The following ORC3 variants were observed in gnomAD, a reference collection of about 807,000 sequenced individuals.
ORC3 encodes the protein homolog of latheo, Drosophila.
ORC3 carries 78 observed loss-of-function variants against 100.7 expected under a neutral mutation model. The observed-to-expected ratio is 0.77, with a 90% CI of 0.65 to 0.94. ORC3 has a LOEUF of 0.94. Among genes scored for constraint, ORC3 ranks in the 40% least tolerant of loss-of-function variants. The pLI is 0.00. For synonymous variants in ORC3, 295 were observed against 289.3 expected, an observed-to-expected ratio of 1.02 and a Z score of -0.20; for missense variants, 789 against 823.9, an observed-to-expected ratio of 0.96 and a Z score of 0.52.
rs571714480 is a variant in ORC3 at position 87,655,740 on chromosome 6, G to T, written c.1517-1166G>T. Among the ~76,000 whole-genome samples the T allele has an allele frequency of 3.3e-5, 5 of 151,444 alleles. No homozygotes were observed. The South Asian group carries it at 1.0e-3, about 32-fold the overall frequency. Reference sequence around the variant, plus strand: ...TGGTCTCGAACTCCTTGTCTCAAGTGATCCTCACACCATGGCCTCCCAAAG... The same window carrying T: ...TGGTCTCGAACTCCTTGTCTCAAGTTATCCTCACACCATGGCCTCCCAAAG... On this transcript the variant is annotated intron_variant, in intron 14 of 19. Transcript: ENST00000392844.
intron 9 of ORC3, among the ~76,000 whole-genome samples, chr6:87,617,390 C>G (rs959762351): frequency 3.3e-5 from 5 of 152,056 alleles, no homozygotes; most frequent in Non-Finnish European, 7.4e-5. Flanking sequence ...TTCTTGGAAG[C>G]TACATAAGTG....
At chr6:87,660,747 GA>G (rs934285815) in intron 16 of ORC3, among the ~76,000 whole-genome samples, 2 of 152,186 alleles carry the variant, frequency 1.3e-5, no homozygotes, top group Non-Finnish European at 2.9e-5. Context: ...CTCTTTCAGG[GA>G]AGGCCTATCA....
chr6:87,621,403 GTA>G lies in ORC3; in HGVS notation c.1038_1039del (p.Cys346Ter). ...TCCCAGCCCTTAAGTGTCCTGTGCT[GTA>G]ATCTTCCAGAAGCCAAAAGAAGAAT... On this transcript the variant is annotated stop_gained and frameshift_variant, in exon 10 of 20. Transcript: ENST00000392844. LOFTEE classifies it high-confidence loss of function. The G allele has an allele frequency of 1.2e-6, 2 of 1,600,736 alleles. No individual in the cohort carries two copies. Among genetic ancestry groups the G allele is most frequent in the Non-Finnish European group, 1.7e-6 (2 of 1,174,316 alleles).
chr6:87,622,143 T>C, intron 11 of ORC3, 130 bp downstream of exon 11: 1 of 574,440 alleles, frequency 1.7e-6, no homozygotes. Context: ...GTACTGGGTC[T>C]TGATAGTCAC....
chr6:87,628,211 C>T (rs1031744615), intron 11 of ORC3, among the ~76,000 whole-genome samples: 2 of 152,206 alleles, frequency 1.3e-5, no homozygotes, highest in African/African-American at 2.4e-5. Context: ...GGATAAACAG[C>T]TAATGCATGC....
At chr6:87,623,901 A>G (rs1779709287) in intron 11 of ORC3, among the ~76,000 whole-genome samples, 1 of 151,956 alleles carries the variant, frequency 6.6e-6, no homozygotes, top group African/African-American at 2.4e-5. Flanking sequence ...AAACAAAACA[A>G]AACAAAACAA....
chr6:87,595,502 G>C (rs2128243498), intron 2 of ORC3: 1 of 152,266 alleles, frequency 6.6e-6, no homozygotes, highest in Admixed American at 6.5e-5. Flanking sequence ...CCTGAGGGAA[G>C]GGAAAAAGCT....
intron 8 of ORC3, among the ~76,000 whole-genome samples, chr6:87,614,329 C>T (rs1310282890): frequency 6.6e-6 from 1 of 152,178 alleles, no homozygotes; most frequent in Non-Finnish European, 1.5e-5. Context: ...GGACTCTGGG[C>T]CCAGCCCGTG....
chr6:87,609,049 G>A, intron 6 of ORC3, 47 bp from the exon 7 acceptor site: 1 of 1,495,224 alleles, frequency 6.7e-7, no homozygotes, highest in Non-Finnish European at 8.9e-7. Flanking sequence ...CATTGTTTGA[G>A]TGGTAAGGCT....
intron 4 of ORC3, 31 bp downstream of exon 4, chr6:87,603,559 A>C (rs763363912): frequency 7.3e-7 from 1 of 1,377,100 alleles, no homozygotes; most frequent in Admixed American, 2.2e-5. Context: ...TCATGCATGC[A>C]TCTCTGTGTA....
At position 87,606,012 on chromosome 6, in the gene ORC3, G is replaced by C; in HGVS notation, c.418G>C (p.Asp140His). 1 of 1,510,996 alleles carries C rather than the reference G, an allele frequency of 6.6e-7. No homozygotes were observed. The highest frequency in any genetic ancestry group is 9.0e-7 in the Non-Finnish European group (1 of 1,116,386). 93.6% of individuals were successfully genotyped at this position (1,510,996 alleles called of 1,614,324 possible). A position where few individuals can be genotyped will look rare whatever the true frequency, so the allele number is the denominator to read the frequency against. The change falls in exon 5 of 20, where the codon GAT (aspartate) becomes CAT (histidine). Residue 140 changes from aspartate to histidine, a missense_variant. By Grantham distance (81) the Asp-to-His change is moderately conservative. Around this residue, in one of 3 missense-constraint regions of ORC3, gnomAD observed 399 missense variants for 382.0 expected, o/e 1.04. Transcript: ENST00000392844. Reference sequence around the variant, plus strand: ...ATATGTAGTCTCATTGCAAGCTAAAGATTGTCCAGGTAAAAATATAAATGC... The same window carrying C: ...ATATGTAGTCTCATTGCAAGCTAAACATTGTCCAGGTAAAAATATAAATGC... ...TPYVVSLQAK[D>H]CPDMKHFLQK...
At chr6:87,595,666 C>G (rs1223137071) in intron 2 of ORC3, among the ~76,000 whole-genome samples, 1 of 152,190 alleles carries the variant, frequency 6.6e-6, no homozygotes, top group Non-Finnish European at 1.5e-5. Context: ...CTCAATCACT[C>G]TTCATTTCAT....
At chr6:87,603,592 ATTG>A in intron 4 of ORC3, 64 bp downstream of exon 4, 1 of 1,049,780 alleles carries the variant, frequency 9.5e-7, no homozygotes, top group Non-Finnish European at 1.3e-6. Flanking sequence ...ATTTTTTTTT[ATTG>A]TTGAGAATAG....
intron 8 of ORC3, 93 bp downstream of exon 8, chr6:87,612,341 A>T: frequency 1.4e-6 from 1 of 715,758 alleles, no homozygotes; most frequent in Non-Finnish European, 2.2e-6. Flanking sequence ...AGCCTCTACA[A>T]CTCTCTGAGT....
chr6:87,676,052 A>G, the ORC3 span: 1 of 751,182 alleles, frequency 1.3e-6, no homozygotes, highest in Non-Finnish European at 2.2e-6. Flanking sequence ...ACATAACCTC[A>G]GTAGTACTAA....
chr6:87,677,417 A>T, the ORC3 span, among the ~76,000 whole-genome samples: 1 of 152,224 alleles, frequency 6.6e-6, no homozygotes, highest in Non-Finnish European at 1.5e-5. Flanking sequence ...AATTTTACTG[A>T]ATTTTTTGAT....
At chr6:87,662,722 T>C (rs1010249259) in intron 16 of ORC3, among the ~76,000 whole-genome samples, 1 of 152,166 alleles carries the variant, frequency 6.6e-6, no homozygotes, top group Non-Finnish European at 1.5e-5. Context: ...CAGCTTCTTA[T>C]AAAGAGTCTA....
intron 3 of ORC3, among the ~76,000 whole-genome samples, chr6:87,603,114 G>A (rs1271189338): frequency 6.6e-6 from 1 of 150,390 alleles, no homozygotes; most frequent in Non-Finnish European, 1.5e-5. Context: ...CTAGAAGCTG[G>A]GACCACAGAT....
chr6:87,672,080 G>A (rs1381519848), downstream of ORC3, among the ~76,000 whole-genome samples: 1 of 152,164 alleles, frequency 6.6e-6, no homozygotes, highest in Non-Finnish European at 1.5e-5. Flanking sequence ...GTGTTTGGGG[G>A]ATGAGGGTAG....
Sources: allele counts gnomAD v4.1 joint callset (sites outside exome capture counted in the v4.1 genomes callset), GRCh38; gene constraint gnomAD v4.1.1; regional missense constraint gnomAD v4.1.1; transcripts MANE v1.5; gene names NCBI Gene and HGNC (gene_info 2026-07-23, HGNC 2026-07-21).